Variants in ERC2 observed in about 807,000 individuals in gnomAD.
ERC2 encodes the protein ELKS/RAB6-interacting/CAST family member 2, also known as ERC protein 2.
A neutral mutation model predicts 114.8 loss-of-function variants in ERC2; 42 were observed. The observed-to-expected ratio is 0.37, with a 90% CI of 0.29 to 0.47. ERC2 has a LOEUF of 0.47. Ranked by LOEUF, ERC2 falls within the 20% of genes least tolerant of loss-of-function variation. ERC2 has a pLI of 0.99. For synonymous variants in ERC2, 454 were observed against 425.5 expected, an observed-to-expected ratio of 1.07 and a Z score of -0.82; for missense variants, 939 against 1,150.7, an observed-to-expected ratio of 0.82 and a Z score of 2.66.
At chr3:56,306,638 C>T (rs1489808375) in intron 2 of ERC2, among the ~76,000 whole-genome samples, 2 of 152,184 alleles carry the variant, frequency 1.3e-5, no homozygotes, top group Non-Finnish European at 2.9e-5. Context: ...CAGGGAGGCT[C>T]TCCAGGTGTT....
At chr3:55,732,031 C>T (rs2065280847) in intron 15 of ERC2, among the ~76,000 whole-genome samples, 1 of 152,006 alleles carries the variant, frequency 6.6e-6, no homozygotes, top group South Asian at 2.1e-4. Context: ...TGTGTGGAAT[C>T]CGGTAGACTA....
At chr3:56,019,127 G>T in intron 7 of ERC2, 96 bp from the exon 8 acceptor site, 1 of 932,994 alleles carries the variant, frequency 1.1e-6, no homozygotes, top group Non-Finnish European at 1.6e-6. Flanking sequence ...GAAAGAAAAA[G>T]ACCTGAAATG....
chr3:55,984,364 A>G (rs550292302), intron 12 of ERC2, among the ~76,000 whole-genome samples: 1 of 152,318 alleles, frequency 6.6e-6, no homozygotes, highest in South Asian at 2.1e-4. Context: ...TATAGGTAAA[A>G]AACTAAAGGC....
chr3:56,052,775 G>A (rs1459653033), intron 7 of ERC2, among the ~76,000 whole-genome samples: 2 of 152,272 alleles, frequency 1.3e-5, no homozygotes, highest in East Asian at 3.9e-4. Flanking sequence ...TGTTGCTGTT[G>A]CTTAGGGAAG....
intron 5 of ERC2, among the ~76,000 whole-genome samples, chr3:56,145,591 A>C (rs1049490659): frequency 3.0e-4 from 45 of 152,202 alleles, no homozygotes; most frequent in African/African-American, 1.1e-3. Flanking sequence ...CACATCTGAG[A>C]TCTCCCAGAG....
intron 14 of ERC2, among the ~76,000 whole-genome samples, chr3:55,836,991 C>A (rs1475879533): frequency 1.3e-5 from 2 of 152,124 alleles, no homozygotes; most frequent in Non-Finnish European, 2.9e-5. Context: ...GCAGCCAAAA[C>A]ACACATGAAA....
intron 17 of ERC2, among the ~76,000 whole-genome samples, chr3:55,544,402 T>A (rs1227289551): frequency 1.3e-5 from 2 of 151,980 alleles, no homozygotes; most frequent in Non-Finnish European, 2.9e-5. Flanking sequence ...ATTCCTTACC[T>A]CCCACCCCCA....
At chr3:55,664,863 A>G (rs2061295449) in intron 17 of ERC2, among the ~76,000 whole-genome samples, 1 of 152,220 alleles carries the variant, frequency 6.6e-6, no homozygotes, top group Non-Finnish European at 1.5e-5. Flanking sequence ...TGAAAACTTT[A>G]GCAGTAGGTC....
chr3:55,763,477 T>A (rs2067579442), intron 14 of ERC2, among the ~76,000 whole-genome samples: 1 of 152,142 alleles, frequency 6.6e-6, no homozygotes, highest in Admixed American at 6.5e-5. Context: ...GTGTCTTGCA[T>A]TAAACAAATC....
rs73834025 is a variant in ERC2 at position 55,809,092 on chromosome 3, A to G, written c.2565-74174T>C. ...TATGGCTTTCAGAAATAAGATGGAAAAGAAAGGAAGTACTAGTTACATTTA... is the reference window on the plus strand; with the variant it reads ...TATGGCTTTCAGAAATAAGATGGAAGAGAAAGGAAGTACTAGTTACATTTA... On this transcript the variant is annotated intron_variant, in intron 14 of 17. Coordinates refer to ENST00000288221, the MANE Select transcript of ERC2 (RefSeq NM_015576.3). Among the ~76,000 whole-genome samples the G allele has an allele frequency of 6.1e-3, 925 of 152,232 alleles. 6 individuals are homozygous for G. Among genetic ancestry groups the G allele is most frequent in the African/African-American group, 0.021 (892 of 41,542 alleles).
intron 3 of ERC2, among the ~76,000 whole-genome samples, chr3:56,257,996 A>G (rs2052635838): frequency 6.6e-6 from 1 of 152,166 alleles, no homozygotes; most frequent in Non-Finnish European, 1.5e-5. Flanking sequence ...CCGGCAGCTT[A>G]TACACAATTT....
Position 55,574,529 on chromosome 3 carries a change from TG to T in ERC2, c.*40-63254del, listed in dbSNP as rs199742550. Among the ~76,000 whole-genome samples, 730 of 151,852 alleles carry T rather than the reference TG, an allele frequency of 4.8e-3. 5 individuals carry two copies. Among genetic ancestry groups the T allele is most frequent in the African/African-American group, 0.017 (688 of 41,402 alleles). ...CCTGTGGCCTTGGGAAGAGCTGGGA[TG>T]GGGGGAGATAAAATCTCAGGTCTGT... On this transcript the variant is annotated intron_variant, in intron 17 of 17. Coordinates refer to ENST00000288221, the MANE Select transcript of ERC2 (RefSeq NM_015576.3).
chr3:55,577,155 C>T (rs1392481297), intron 17 of ERC2, among the ~76,000 whole-genome samples: 1 of 152,202 alleles, frequency 6.6e-6, no homozygotes, highest in Non-Finnish European at 1.5e-5. Flanking sequence ...TAATTGCATG[C>T]TGTGTGTTCA....
intron 7 of ERC2, among the ~76,000 whole-genome samples, chr3:56,029,214 G>A (rs1416584411): frequency 6.6e-6 from 1 of 151,846 alleles, no homozygotes; most frequent in Non-Finnish European, 1.5e-5. Context: ...TTTTGTTGGA[G>A]AGTTTTATAT....
intron 17 of ERC2, among the ~76,000 whole-genome samples, chr3:55,656,098 C>CTTTGTTTATTTA (rs1553742858): frequency 1.3e-5 from 2 of 150,096 alleles, no homozygotes; most frequent in African/African-American, 4.9e-5. Flanking sequence ...ATGGAATGCA[C>CTTTGTTTATTTA]TTTATTTATT....
At chr3:56,246,296 T>G (rs1192404685) in intron 3 of ERC2, among the ~76,000 whole-genome samples, 1 of 152,048 alleles carries the variant, frequency 6.6e-6, no homozygotes, top group Non-Finnish European at 1.5e-5. Flanking sequence ...CCCTGTGCAT[T>G]GTAGGATGTT....
At chr3:56,284,138 A>G (rs950018690) in intron 3 of ERC2, among the ~76,000 whole-genome samples, 42 of 152,256 alleles carry the variant, frequency 2.8e-4, no homozygotes, top group African/African-American at 9.9e-4. Flanking sequence ...TCAAGTTTAG[A>G]GAAGATTTGG....
At position 56,343,772 on chromosome 3, in the gene ERC2, A is replaced by C. The variant is rs139877203; in HGVS notation, c.658-47337T>G. Among the ~76,000 whole-genome samples the C allele has an allele frequency of 1.2e-4, 18 of 152,350 alleles. No homozygotes were observed. In the East Asian group the frequency reaches 3.5e-3, roughly 29 times the overall value. ...ACAAACAGCAAAGGACAGGACACAA[A>C]GCAGACTTGTCTAAATTAAATTACC... On this transcript the variant is annotated intron_variant, in intron 2 of 17. Coordinates refer to ENST00000288221, the MANE Select transcript of ERC2 (RefSeq NM_015576.3).
chr3:55,728,781 G>A (rs1164855560), intron 15 of ERC2, among the ~76,000 whole-genome samples: 1 of 152,194 alleles, frequency 6.6e-6, no homozygotes, highest in East Asian at 1.9e-4. Context: ...CCTCTTGACA[G>A]CAAGGAAGGT....
Sources: allele counts gnomAD v4.1 joint callset (sites outside exome capture counted in the v4.1 genomes callset), GRCh38; gene constraint gnomAD v4.1.1; transcripts MANE v1.5; gene names NCBI Gene and HGNC (gene_info 2026-07-23, HGNC 2026-07-21).